Variants in LAYN observed in about 807,000 individuals in gnomAD.
LAYN encodes the protein layilin.
Under a neutral mutation model 43.6 loss-of-function variants are expected in LAYN, and 38 were observed. That is an observed-to-expected ratio of 0.87 (90% confidence interval 0.67 to 1.14). LAYN has a LOEUF of 1.14. Among genes scored for constraint, LAYN ranks in the 50% most tolerant of loss-of-function variants. LAYN has a pLI of 0.00. For missense variants in LAYN, 479 were observed against 463.8 expected, an observed-to-expected ratio of 1.03 and a Z score of -0.30; for synonymous variants, 168 against 172.9, an observed-to-expected ratio of 0.97 and a Z score of 0.22.
At chr11:111,540,969 G>T in intron 1 of LAYN, 41 bp downstream of exon 1, 1 of 1,486,546 alleles carries the variant, frequency 6.7e-7, no homozygotes, top group South Asian at 1.2e-5. Flanking sequence ...GCCGGGGTGG[G>T]CTCACTGCAC....
At chr11:111,553,620 T>TA (rs146406195) in intron 3 of LAYN, among the ~76,000 whole-genome samples, 53,197 of 127,814 alleles carry the variant, frequency 0.42, 10,942 homozygotes, top group Middle Eastern at 0.52. Context: ...CTCTCTCACA[T>TA]AAAAAAAAAA....
chr11:111,557,008 T>C (rs1867858590), intron 5 of LAYN, among the ~76,000 whole-genome samples: 1 of 152,182 alleles, frequency 6.6e-6, no homozygotes. Context: ...TCCTGTGACC[T>C]CTTTCCTGGT....
intron 5 of LAYN, 22 bp downstream of exon 5, chr11:111,555,312 G>A: frequency 6.5e-7 from 1 of 1,539,294 alleles, no homozygotes; most frequent in Non-Finnish European, 9.0e-7. Context: ...ACTCTCCTGG[G>A]AAAGATGAAT....
rs1332712680 is a variant in LAYN at position 111,540,807 on chromosome 11, A to AGCGCCCGAGTGTCGGGGGGC, written c.-34_-15dup. 12 of 1,509,238 alleles carry AGCGCCCGAGTGTCGGGGGGC rather than the reference A, an allele frequency of 8.0e-6. No individual in the cohort carries two copies. Among genetic ancestry groups the AGCGCCCGAGTGTCGGGGGGC allele is most frequent in the Non-Finnish European group, 7.9e-6 (9 of 1,135,082 alleles). 93.5% of individuals were successfully genotyped at this position (1,509,238 alleles called of 1,614,324 possible). A position where few individuals can be genotyped will look rare whatever the true frequency, so the allele number is the denominator to read the frequency against. ...GCCCGCCAGCCCGCTCCACCGCCGT[A>AGCGCCCGAGTGTCGGGGGGC]GCGCCCGAGTGTCGGGGGGCGCACC... On this transcript the variant is annotated 5_prime_UTR_variant, in exon 1 of 7. Transcript: ENST00000375614.
chr11:111,542,855 T>C (rs1867573050), intron 1 of LAYN, among the ~76,000 whole-genome samples: 1 of 152,200 alleles, frequency 6.6e-6, no homozygotes, highest in African/African-American at 2.4e-5. Flanking sequence ...AGGCACAAAG[T>C]GTACACTCAA....
At chr11:111,541,053 C>A (rs1165871988) in intron 1 of LAYN, 125 bp downstream of exon 1, 3 of 851,004 alleles carry the variant, frequency 3.5e-6, no homozygotes, top group Non-Finnish European at 5.4e-6. Context: ...CACTCCCAGA[C>A]GCAGCCCTTC....
At chr11:111,541,381 C>A in intron 1 of LAYN, 1 of 641,888 alleles carries the variant, frequency 1.6e-6, no homozygotes, top group Non-Finnish European at 2.8e-6. Flanking sequence ...TGCTGGATCC[C>A]CGGTGCCGTG....
rs1048370202 is a variant in LAYN, at chr11:111,561,685, T to C, written c.*1227T>C. ...TCTCATATTTTAACCTTTCCTCATA[T>C]GTCTTATTTTTTAATAGCTCAGCAA... On this transcript the variant is annotated 3_prime_UTR_variant, in exon 7 of 7. Transcript: ENST00000375614. 1 of 152,168 alleles carries C rather than the reference T, an allele frequency of 6.6e-6. No homozygotes were observed. Among genetic ancestry groups the C allele is most frequent in the Non-Finnish European group, 1.5e-5 (1 of 68,040 alleles). 9.4% of individuals were successfully genotyped at this position (152,168 alleles called of 1,614,324 possible).
At chr11:111,545,286 C>T (rs1867631048) in intron 2 of LAYN, among the ~76,000 whole-genome samples, 1 of 152,122 alleles carries the variant, frequency 6.6e-6, no homozygotes, top group Non-Finnish European at 1.5e-5. Flanking sequence ...ACAGATGGTA[C>T]TTATTGACTT....
chr11:111,560,564 T>A lies in LAYN; in HGVS notation c.*106T>A. On this transcript the variant is annotated 3_prime_UTR_variant, in exon 7 of 7. Transcript: ENST00000375614. ...CAGAAGGTCTATGAACAAGCTTAGATCAGGTCCTGTGGATGAGCATGTGGT... is the reference window on the plus strand; with the variant it reads ...CAGAAGGTCTATGAACAAGCTTAGAACAGGTCCTGTGGATGAGCATGTGGT... The A allele has an allele frequency of 1.6e-6, 2 of 1,282,096 alleles. No homozygotes were observed. Among genetic ancestry groups the A allele is most frequent in the Non-Finnish European group, 2.1e-6 (2 of 941,636 alleles). 79.4% of individuals were successfully genotyped at this position (1,282,096 alleles called of 1,614,324 possible).
At chr11:111,554,894 C>G (rs185040524) in intron 4 of LAYN, among the ~76,000 whole-genome samples, 1 of 152,318 alleles carries the variant, frequency 6.6e-6, no homozygotes, top group Admixed American at 6.5e-5. Context: ...ATGAGCCAAA[C>G]TGTTAATTTA....
Position 111,560,678 on chromosome 11 carries a change from GC to G in LAYN, c.*223del. 1 of 542,820 alleles carries G rather than the reference GC, an allele frequency of 1.8e-6. No homozygotes were observed. Among genetic ancestry groups the G allele is most frequent in the Non-Finnish European group, 3.3e-6 (1 of 306,204 alleles). 33.6% of individuals were successfully genotyped at this position (542,820 alleles called of 1,614,324 possible). On this transcript the variant is annotated 3_prime_UTR_variant, in exon 7 of 7. Coordinates refer to ENST00000375614, the MANE Select transcript of LAYN (RefSeq NM_178834.5). The stretch of plus-strand genomic sequence containing the variant: ...GCTCGACCTTATGAGAAGGTACCTT[GC>G]CCAGGTCTGGCACATAGTAGAGTCT...
intron 3 of LAYN, among the ~76,000 whole-genome samples, chr11:111,550,966 TA>T (rs1221321484): frequency 6.6e-6 from 1 of 152,206 alleles, no homozygotes; most frequent in Non-Finnish European, 1.5e-5. Context: ...TTATTGCCTA[TA>T]TTAGTCACAC....
chr11:111,541,255 G>T, intron 1 of LAYN: 2 of 590,714 alleles, frequency 3.4e-6, no homozygotes, highest in Non-Finnish European at 6.0e-6. Flanking sequence ...CCTTCGGCCC[G>T]CTCCTTTACA....
At chr11:111,549,888 T>C in intron 3 of LAYN, 113 bp downstream of exon 3, 2 of 1,112,374 alleles carry the variant, frequency 1.8e-6, no homozygotes, top group Admixed American at 2.6e-5. Context: ...TTGTTGCAAA[T>C]GCCAGCAACA....
At chr11:111,540,689 G>C (rs971523032), upstream of LAYN, 2 of 670,062 alleles carry the variant, frequency 3.0e-6, no homozygotes, top group African/African-American at 3.8e-5. Flanking sequence ...AGGGGCGACC[G>C]ACTGACTCCG....
intron 1 of LAYN, among the ~76,000 whole-genome samples, chr11:111,541,976 G>A (rs1440457315): frequency 6.6e-6 from 1 of 152,138 alleles, no homozygotes; most frequent in Non-Finnish European, 1.5e-5. Context: ...GACGGTCTCT[G>A]GCACTCACCC....
At chr11:111,540,543 C>A, upstream of LAYN, 1 of 457,830 alleles carries the variant, frequency 2.2e-6, no homozygotes. Context: ...CGGAGGGGGA[C>A]AGGGAGCTGG....
intron 5 of LAYN, 104 bp from the exon 6 acceptor site, chr11:111,557,437 A>G: frequency 1.2e-6 from 1 of 842,210 alleles, no homozygotes; most frequent in Non-Finnish European, 2.0e-6. Flanking sequence ...ATTTGGGGGT[A>G]CAAGTGGTTT....
Sources: allele counts gnomAD v4.1 joint callset (sites outside exome capture counted in the v4.1 genomes callset), GRCh38; gene constraint gnomAD v4.1.1; transcripts MANE v1.5; gene names NCBI Gene and HGNC (gene_info 2026-07-23, HGNC 2026-07-21).